The following SGCZ variants were observed in gnomAD, a reference collection of about 807,000 sequenced individuals.
The protein encoded by SGCZ is zeta-sarcoglycan.
SGCZ carries 40 observed loss-of-function variants against 41.3 expected under a neutral mutation model. The ratio of observed to expected loss-of-function variants is 0.97; its 90% CI spans 0.75 to 1.26. SGCZ has a LOEUF of 1.26. Ranked by LOEUF, SGCZ falls within the 50% of genes most tolerant of loss-of-function variation. SGCZ has a pLI of 0.00. For missense variants in SGCZ, 552 were observed against 369.8 expected (o/e 1.49, Z -4.04); for synonymous variants, 206 against 137.5 (o/e 1.50, Z -3.49).
chr8:14,548,564 C>A (rs192197605), intron 2 of SGCZ, among the ~76,000 whole-genome samples: 1 of 152,148 alleles, frequency 6.6e-6, no homozygotes, highest in African/African-American at 2.4e-5. Context: ...CAAAATTCCA[C>A]GAGAAATGCA....
At chr8:14,727,679 T>G (rs78843535) in intron 1 of SGCZ, among the ~76,000 whole-genome samples, 10,356 of 151,820 alleles carry the variant, frequency 0.068, 774 homozygotes, top group African/African-American at 0.19. Context: ...CCCGGCTAAT[T>G]TTTGTTGTAT....
At chr8:14,193,486 T>A (rs1451679749) in intron 4 of SGCZ, among the ~76,000 whole-genome samples, 1 of 152,060 alleles carries the variant, frequency 6.6e-6, no homozygotes, top group East Asian at 1.9e-4. Context: ...TATACACCCA[T>A]CATAAACATA....
intron 1 of SGCZ, among the ~76,000 whole-genome samples, chr8:15,105,480 A>C (rs1806788590): frequency 6.6e-6 from 1 of 152,158 alleles, no homozygotes; most frequent in Non-Finnish European, 1.5e-5. Context: ...AGCACGTCTT[A>C]CCATGGTGGA....
intron 5 of SGCZ, among the ~76,000 whole-genome samples, chr8:14,157,155 C>T (rs975146449): frequency 3.3e-5 from 5 of 151,730 alleles, no homozygotes; most frequent in African/African-American, 9.7e-5. Context: ...CCTTAGGATG[C>T]TTATGACATC....
At chr8:15,211,008 T>C (rs1585678152) in intron 1 of SGCZ, among the ~76,000 whole-genome samples, 1 of 143,584 alleles carries the variant, frequency 7.0e-6, no homozygotes, top group South Asian at 2.2e-4. Context: ...GGCTTCTCTC[T>C]CTCTATATAT....
Position 14,606,572 on chromosome 8 carries a change from T to C in SGCZ, c.40-51646A>G, listed in dbSNP as rs1585119731. Among the ~76,000 whole-genome samples, 3 of 152,308 alleles carry C rather than the reference T, an allele frequency of 2.0e-5. No homozygotes were observed. In the South Asian group the frequency reaches 6.2e-4, roughly 32 times the overall value. On this transcript the variant is annotated intron_variant, in intron 1 of 7. Transcript: ENST00000382080. ...TCAACCAAATCAGTCCCTTTGTCCC[T>C]TCCCCCCATCATAGTAGCCTGTTTC...
At chr8:14,847,352 T>C (rs543785329) in intron 1 of SGCZ, among the ~76,000 whole-genome samples, 1 of 151,940 alleles carries the variant, frequency 6.6e-6, no homozygotes, top group Non-Finnish European at 1.5e-5. Flanking sequence ...CTCATGAACA[T>C]AGACACCAAA....
chr8:14,756,484 G>A (rs922995010), intron 1 of SGCZ, among the ~76,000 whole-genome samples: 29 of 151,946 alleles, frequency 1.9e-4, no homozygotes, highest in Non-Finnish European at 1.5e-4. Context: ...CACGCCCAGC[G>A]GGAAGTAACA....
intron 1 of SGCZ, among the ~76,000 whole-genome samples, chr8:15,135,806 A>T (rs1808081389): frequency 6.6e-6 from 1 of 152,128 alleles, no homozygotes; most frequent in Non-Finnish European, 1.5e-5. Context: ...AGCAACTTTT[A>T]TTGAAGTGGT....
At chr8:14,747,660 C>CATTATTATTATTATTATTATT (rs151163754) in intron 1 of SGCZ, among the ~76,000 whole-genome samples, 24 of 139,508 alleles carry the variant, frequency 1.7e-4, no homozygotes, top group South Asian at 2.4e-4. Context: ...GGGTACAAGG[C>CATTATTATTATTATTATTATT]ATTATTATTA....
At chr8:15,165,269 C>T (rs1194431171) in intron 1 of SGCZ, among the ~76,000 whole-genome samples, 1 of 152,096 alleles carries the variant, frequency 6.6e-6, no homozygotes, top group Admixed American at 6.5e-5. Flanking sequence ...CAGCCTGGGA[C>T]AGAGCGAGAC....
chr8:15,122,380 C>A (rs1194814590), intron 1 of SGCZ, among the ~76,000 whole-genome samples: 1 of 151,972 alleles, frequency 6.6e-6, no homozygotes, highest in Non-Finnish European at 1.5e-5. Context: ...TTTCATTTTC[C>A]CTTTATTCTA....
intron 1 of SGCZ, among the ~76,000 whole-genome samples, chr8:14,887,318 AC>A (rs1804847000): frequency 6.6e-6 from 1 of 152,044 alleles, no homozygotes; most frequent in African/African-American, 2.4e-5. Context: ...GTCAACATTG[AC>A]TCCAATATTC....
intron 1 of SGCZ, among the ~76,000 whole-genome samples, chr8:14,569,243 C>A (rs1262251651): frequency 6.6e-6 from 1 of 152,156 alleles, no homozygotes; most frequent in Non-Finnish European, 1.5e-5. Flanking sequence ...TAATTCATTG[C>A]AGCTGAAAAT....
At chr8:14,250,222 G>C (rs1467545181) in intron 3 of SGCZ, among the ~76,000 whole-genome samples, 1 of 152,168 alleles carries the variant, frequency 6.6e-6, no homozygotes, top group Admixed American at 6.5e-5. Flanking sequence ...GATCTGGAGT[G>C]TGGCCCCAAA....
At chr8:14,267,268 C>T (rs1346223805) in intron 3 of SGCZ, among the ~76,000 whole-genome samples, 1 of 151,780 alleles carries the variant, frequency 6.6e-6, no homozygotes. Context: ...TATTATATGT[C>T]ATAAGATGAT....
chr8:14,367,260 G>C (rs1479909933), intron 2 of SGCZ, among the ~76,000 whole-genome samples: 3 of 151,998 alleles, frequency 2.0e-5, no homozygotes, highest in Admixed American at 2.0e-4. Context: ...CCTCAGCCTG[G>C]AATTCATTAT....
Position 14,088,882 on chromosome 8 carries a change from C to G in SGCZ, c.*1561G>C, listed in dbSNP as rs1158933729. Among the ~76,000 whole-genome samples the G allele has an allele frequency of 6.6e-6, 1 of 151,872 alleles. No homozygotes were observed. Among genetic ancestry groups the G allele is most frequent in the Non-Finnish European group, 1.5e-5 (1 of 67,896 alleles). On this transcript the variant is annotated 3_prime_UTR_variant, in exon 8 of 8. Transcript: ENST00000382080. ...CCAGTTCACTCTGAGCTGTAGACAC[C>G]TGAACTCCAAAGACTCTACAGCCAT...
At chr8:14,738,313 A>G (rs1340419881) in intron 1 of SGCZ, among the ~76,000 whole-genome samples, 1 of 152,040 alleles carries the variant, frequency 6.6e-6, no homozygotes. Flanking sequence ...TCTTTCCACA[A>G]GATTTTCCTG....
Sources: gnomAD v4.1 joint callset for allele counts (sites outside exome capture counted in the v4.1 genomes callset) on GRCh38, gnomAD v4.1.1 for gene constraint, MANE v1.5 for transcripts, NCBI Gene and HGNC (gene_info 2026-07-23, HGNC 2026-07-21) for gene names.